MCC: variants seen among roughly 807,000 people sequenced by gnomAD.
MCC encodes colorectal mutant cancer protein.
Under a neutral mutation model 116.2 loss-of-function variants are expected in MCC, and 90 were observed. That is an observed-to-expected ratio of 0.77 (90% confidence interval 0.65 to 0.92). The LOEUF (loss-of-function observed/expected upper bound fraction) is 0.92. MCC is among the 40% of genes least tolerant of loss of function. The probability of loss-of-function intolerance (pLI) is 0.00; values close to 1 mark genes in which losing one functional copy is unlikely to be tolerated. For synonymous variants in MCC, 578 were observed against 510.5 expected, an observed-to-expected ratio of 1.13 and a Z score of -1.78; for missense variants, 1,516 against 1,312.2, an observed-to-expected ratio of 1.16 and a Z score of -2.40.
intron 3 of MCC, among the ~76,000 whole-genome samples, chr5:113,324,479 T>C (rs1279844503): frequency 3.3e-5 from 5 of 152,198 alleles, no homozygotes; most frequent in Admixed American, 3.3e-4. Context: ...TAAACATTGT[T>C]TTCATGTTGG....
chr5:113,083,133 G>C (rs188443952), intron 10 of MCC, 125 bp from the exon 11 acceptor site: 5 of 832,078 alleles, frequency 6.0e-6, no homozygotes, highest in Non-Finnish European at 9.2e-6. Context: ...TTACCCTGAA[G>C]GTTCTCAGTT....
In MCC at chr5:113,403,791, C is replaced by T. The variant is rs533556921; in HGVS notation, c.171-18579G>A. ...AGAATGTGAGGTCCAGTTAGTGGAG[C>T]GGCTCAATGGTAAAGTGATAGCTAC... On this transcript the variant is annotated intron_variant, in intron 1 of 18. Transcript: ENST00000408903. Among the ~76,000 whole-genome samples the T allele has an allele frequency of 2.6e-5, 4 of 152,244 alleles. No individual in the cohort carries two copies. The South Asian group carries it at 8.3e-4, about 32-fold the overall frequency.
intron 3 of MCC, among the ~76,000 whole-genome samples, chr5:113,180,602 G>A (rs1761576639): frequency 6.6e-6 from 1 of 152,094 alleles, no homozygotes; most frequent in Admixed American, 6.5e-5. Flanking sequence ...TAACAAAAAT[G>A]CTTACTGACA....
intron 16 of MCC, chr5:113,048,748 A>G (rs1230942978): frequency 2.3e-6 from 1 of 442,050 alleles, no homozygotes; most frequent in Non-Finnish European, 4.0e-6. Flanking sequence ...AGGGGGCCCT[A>G]TTATACCAAT....
In MCC at chr5:113,413,854, T is replaced by C. The variant is rs139796271; in HGVS notation, c.171-28642A>G. Reference sequence around the variant, plus strand: ...GTTCTTACTTCTCTAGTTCTTTTAATTGTGATGGTAGGGTGTCAATTTTAG... The same window carrying C: ...GTTCTTACTTCTCTAGTTCTTTTAACTGTGATGGTAGGGTGTCAATTTTAG... On this transcript the variant is annotated intron_variant, in intron 1 of 18. Coordinates refer to ENST00000408903, the MANE Select transcript of MCC (RefSeq NM_001085377.2). Among the ~76,000 whole-genome samples, 271 of 152,320 alleles carry C rather than the reference T, an allele frequency of 1.8e-3. 6 individuals are homozygous for C. The East Asian group carries it at 0.02, about 11-fold the overall frequency.
Position 113,434,113 on chromosome 5 carries a change from C to T in MCC, c.171-48901G>A, listed in dbSNP as rs1315508196. 6.2e-7 allele frequency: 1 copy of T among 1,614,206 alleles called. No individual in the cohort carries two copies. The highest frequency in any genetic ancestry group is 8.5e-7 in the Non-Finnish European group (1 of 1,180,020). The stretch of plus-strand genomic sequence containing the variant: ...TGGTAGATGAGGTCCTTGCACTCGC[C>T]TGTCAGGTGCTTGGAGCGTGGGAAG... On this transcript the variant is annotated intron_variant, in intron 1 of 18. Transcript: ENST00000408903. The surrounding 1 kb of genome is among the most constrained non-coding windows in gnomAD (Gnocchi z 4.2).
At chr5:113,341,383 C>T (rs1044787162) in intron 2 of MCC, among the ~76,000 whole-genome samples, 3 of 151,924 alleles carry the variant, frequency 2.0e-5, no homozygotes, top group Non-Finnish European at 4.4e-5. Context: ...CATTTCTATA[C>T]TATGTTGCCC....
intron 3 of MCC, among the ~76,000 whole-genome samples, chr5:113,214,959 T>TC (rs1763256302): frequency 6.6e-6 from 1 of 152,086 alleles, no homozygotes; most frequent in Non-Finnish European, 1.5e-5. Flanking sequence ...AACCTCCAAA[T>TC]CCCCATGCTC....
chr5:113,064,909 G>T (rs1753483016), intron 13 of MCC, among the ~76,000 whole-genome samples: 1 of 152,170 alleles, frequency 6.6e-6, no homozygotes, highest in Non-Finnish European at 1.5e-5. Flanking sequence ...AAAAGATCAT[G>T]GGTGGCTGAG....
intron 3 of MCC, among the ~76,000 whole-genome samples, chr5:113,276,806 T>A (rs1384224879): frequency 2.7e-5 from 2 of 73,706 alleles, no homozygotes; most frequent in South Asian, 3.4e-4. Context: ...TTTCTTCTTA[T>A]TTTTTTTTTT....
chr5:113,117,184 A>G (rs769702873), intron 6 of MCC, among the ~76,000 whole-genome samples: 2 of 152,132 alleles, frequency 1.3e-5, no homozygotes, highest in African/African-American at 4.8e-5. Flanking sequence ...CCCTGCCCCG[A>G]CCCTCTCTCC....
rs1357129824 is a variant in MCC at position 113,023,056 on chromosome 5, C to G, written c.*4246G>C. 1.3e-5 allele frequency: 2 copies of G among 152,118 alleles called. No homozygotes were observed. Among genetic ancestry groups the G allele is most frequent in the Non-Finnish European group, 2.9e-5 (2 of 68,018 alleles). The allele number at this position is 152,118 out of a possible 1,614,324, so 9.4% of individuals were successfully genotyped here. On this transcript the variant is annotated 3_prime_UTR_variant, in exon 19 of 19. Transcript: ENST00000408903. Reference sequence around the variant, plus strand: ...TATCAACTTGTATACTTTTTTTCCACTTGTTTATATTTTAACAGCCACTGA... The same window carrying G: ...TATCAACTTGTATACTTTTTTTCCAGTTGTTTATATTTTAACAGCCACTGA...
At chr5:113,239,370 G>A (rs1561478613) in intron 3 of MCC, among the ~76,000 whole-genome samples, 2 of 152,300 alleles carry the variant, frequency 1.3e-5, no homozygotes, top group East Asian at 3.9e-4. Context: ...TCCCAAAAGG[G>A]CAGCTCTGAG....
chr5:113,227,088 T>C (rs1391069536), intron 3 of MCC, among the ~76,000 whole-genome samples: 2 of 152,204 alleles, frequency 1.3e-5, no homozygotes, highest in Admixed American at 6.5e-5. Flanking sequence ...ACTTTTTCGA[T>C]GTGATATGAC....
chr5:113,320,605 ACTT>A (rs1335585820), intron 3 of MCC, among the ~76,000 whole-genome samples: 1 of 152,220 alleles, frequency 6.6e-6, no homozygotes, highest in African/African-American at 2.4e-5. Context: ...AAAGCATACT[ACTT>A]ATCTCTTAAA....
chr5:113,463,980 T>C (rs1341363712), intron 1 of MCC, among the ~76,000 whole-genome samples: 2 of 152,088 alleles, frequency 1.3e-5, no homozygotes, highest in Non-Finnish European at 2.9e-5. Context: ...TGTGGGGTCT[T>C]GGCAGCCAGG....
At chr5:113,102,985 C>A (rs12523053) in intron 7 of MCC, among the ~76,000 whole-genome samples, 6 of 151,810 alleles carry the variant, frequency 4.0e-5, no homozygotes, top group South Asian at 2.1e-4. Context: ...GTGGTGGCGC[C>A]CGCCTGTAAT....
intron 5 of MCC, among the ~76,000 whole-genome samples, chr5:113,139,651 T>G (rs549257178): frequency 1.3e-5 from 2 of 152,312 alleles, no homozygotes; most frequent in African/African-American, 4.8e-5. Flanking sequence ...TTTACACTGT[T>G]GGTGGGAGTG....
At chr5:113,365,041 G>A (rs1768652450) in intron 2 of MCC, among the ~76,000 whole-genome samples, 1 of 152,154 alleles carries the variant, frequency 6.6e-6, no homozygotes, top group East Asian at 1.9e-4. Flanking sequence ...TTTGCACTTG[G>A]CTCTTCTACT....
Sources: gnomAD v4.1 joint callset for allele counts (sites outside exome capture counted in the v4.1 genomes callset) on GRCh38, gnomAD v4.1.1 for gene constraint, Gnocchi (gnomAD v3.1) non-coding constraint, MANE v1.5 for transcripts, NCBI Gene and HGNC (gene_info 2026-07-23, HGNC 2026-07-21) for gene names.